Variants in LRRK1 observed in about 807,000 individuals in gnomAD.
LRRK1 encodes the protein leucine rich repeat kinase 1.
In LRRK1, 113 loss-of-function variants were observed where a neutral mutation model predicts 209.1. The observed-to-expected ratio is 0.54, with a 90% CI of 0.46 to 0.63. LRRK1 has a LOEUF of 0.63. Ranked by LOEUF, LRRK1 falls within the 30% of genes least tolerant of loss-of-function variation. The probability of loss-of-function intolerance (pLI) is 0.00; values close to 1 mark genes in which losing one functional copy is unlikely to be tolerated. For synonymous variants in LRRK1, 1,144 were observed against 1,099.7 expected, an observed-to-expected ratio of 1.04 and a Z score of -0.80; for missense variants, 2,284 against 2,632.2, an observed-to-expected ratio of 0.87 and a Z score of 2.89.
chr15:100,966,054 GTA>G (rs1366296458), intron 2 of LRRK1, among the ~76,000 whole-genome samples: 2 of 152,012 alleles, frequency 1.3e-5, no homozygotes, highest in African/African-American at 4.8e-5. Context: ...ATATTTTACT[GTA>G]TAAAAGAATA....
At position 101,061,180 on chromosome 15, in the gene LRRK1, G is replaced by A. The variant is rs762048920; in HGVS notation, c.4689G>A (p.Thr1563=). The change falls in exon 30 of 34, where the codon ACG becomes ACA. Residue 1563 remains threonine, a synonymous_variant. Coordinates refer to ENST00000388948, the MANE Select transcript of LRRK1 (RefSeq NM_024652.6). ...TTTCTGCCACTTACAGGAACTACACGGTGGTGAACACAGAGAAGGGCCTCA... is the reference window on the plus strand; with the variant it reads ...TTTCTGCCACTTACAGGAACTACACAGTGGTGAACACAGAGAAGGGCCTCA... ...WDGKEESRNY[T]VVNTEKGLME... The A allele has an allele frequency of 4.2e-5, 68 of 1,613,276 alleles. No homozygotes were observed. The East Asian group carries it at 7.6e-4, about 18-fold the overall frequency.
intron 23 of LRRK1, 146 bp from the exon 24 acceptor site, chr15:101,051,564 TG>T (rs1380900477): frequency 9.9e-7 from 1 of 1,009,172 alleles, no homozygotes; most frequent in Non-Finnish European, 1.4e-6. Context: ...AATGTGGCAG[TG>T]GGTTTCAGCC....
In LRRK1 at chr15:101,073,186, C is replaced by A. The variant is rs1315486191; in HGVS notation, c.*4338C>A. ...CGCCACACTTCAATTTCTCCCTTCT[C>A]TTAACTTCAATTCCTTTCATTTTCT... On this transcript the variant is annotated 3_prime_UTR_variant, in exon 34 of 34. Coordinates refer to ENST00000388948, the MANE Select transcript of LRRK1 (RefSeq NM_024652.6). 1 of 153,012 alleles carries A rather than the reference C, an allele frequency of 6.5e-6. No homozygotes were observed. 9.5% of individuals were successfully genotyped at this position (153,012 alleles called of 1,614,324 possible). A position where few individuals can be genotyped will look rare whatever the true frequency, so the allele number is the denominator to read the frequency against.
intron 4 of LRRK1, among the ~76,000 whole-genome samples, chr15:100,985,732 A>G (rs2031831257): frequency 6.6e-6 from 1 of 152,252 alleles, no homozygotes; most frequent in Non-Finnish European, 1.5e-5. Context: ...TCTTCAGCTC[A>G]ACTCTGAGCA....
intron 20 of LRRK1, among the ~76,000 whole-genome samples, chr15:101,037,897 A>G (rs1036989033): frequency 6.6e-6 from 1 of 152,256 alleles, no homozygotes; most frequent in Non-Finnish European, 1.5e-5. Flanking sequence ...AGAAGTCATT[A>G]TACAAAAAAG....
chr15:100,950,501 C>CAAATA (rs917430381), intron 2 of LRRK1, among the ~76,000 whole-genome samples: 13 of 152,048 alleles, frequency 8.5e-5, no homozygotes, highest in African/African-American at 2.7e-4. Context: ...TTCTAATATT[C>CAAATA]AAATAAAATA....
rs1395699111 is a variant in LRRK1, at chr15:101,074,298, C to G, written c.*5450C>G. The stretch of plus-strand genomic sequence containing the variant: ...ATATAATCTTTTTATCACCTCCCCT[C>G]CTCACACCCGGTCCGGCTTACAGTT... On this transcript the variant is annotated 3_prime_UTR_variant, in exon 34 of 34. Transcript: ENST00000388948. 6.6e-6 allele frequency: 1 copy of G among 152,180 alleles called. No individual in the cohort carries two copies. 9.4% of individuals were successfully genotyped at this position (152,180 alleles called of 1,614,324 possible).
At chr15:100,988,585 A>G in intron 4 of LRRK1, 49 bp from the exon 5 acceptor site, 2 of 1,589,202 alleles carry the variant, frequency 1.3e-6, no homozygotes, top group Non-Finnish European at 1.7e-6. Flanking sequence ...GTGGGAACAA[A>G]CAGCACCCTT....
intron 29 of LRRK1, among the ~76,000 whole-genome samples, chr15:101,058,736 A>G (rs1032493434): frequency 1.3e-5 from 2 of 151,674 alleles, no homozygotes; most frequent in Admixed American, 6.6e-5. Context: ...GAGGCCACAA[A>G]TTCAGGGAGC....
At chr15:100,941,368 C>CTGTGTGTGTCTCTG (rs2042415616) in intron 2 of LRRK1, among the ~76,000 whole-genome samples, 1 of 26,126 alleles carries the variant, frequency 3.8e-5, no homozygotes, top group African/African-American at 2.3e-4. Context: ...GTGTGTGTGC[C>CTGTGTGTGTCTCTG]TGTATGTGTG....
Position 101,013,862 on chromosome 15 carries a change from C to A in LRRK1, c.1420-454C>A, listed in dbSNP as rs1422788978. ...ACCCTTGGTGGCACTGCCACCCCGT[C>A]CCCAGACCTGGGCTGGCCCAGGAGG... On this transcript the variant is annotated intron_variant, in intron 10 of 33. Transcript: ENST00000388948. Among the ~76,000 whole-genome samples, 6 of 152,150 alleles carry A rather than the reference C, an allele frequency of 3.9e-5. No individual in the cohort carries two copies. The East Asian group carries it at 7.8e-4, about 20-fold the overall frequency.
chr15:101,049,909 T>C, intron 23 of LRRK1, 126 bp downstream of exon 23: 2 of 1,028,270 alleles, frequency 1.9e-6, no homozygotes, highest in Non-Finnish European at 2.7e-6. Flanking sequence ...CTAGGGGGTC[T>C]TAACAGCACT....
At chr15:101,042,981 C>T (rs2034848668) in intron 20 of LRRK1, among the ~76,000 whole-genome samples, 1 of 152,216 alleles carries the variant, frequency 6.6e-6, no homozygotes, top group African/African-American at 2.4e-5. Context: ...TGCCATGATG[C>T]TCTGCCCTAA....
In LRRK1 at chr15:101,021,933, G is replaced by A; in HGVS notation, c.1828G>A (p.Val610Met). 6.2e-7 allele frequency: 1 copy of A among 1,613,892 alleles called. No individual in the cohort carries two copies. The highest frequency in any genetic ancestry group is 8.5e-7 in the Non-Finnish European group (1 of 1,179,888). The change falls in exon 14 of 34, where the codon GTG becomes ATG. Residue 610 changes from valine (V) to methionine (M), a missense_variant. Val to Met is a conservative substitution (Grantham distance 21). Around this residue, in one of 6 missense-constraint regions of LRRK1, gnomAD observed 494 missense variants for 522.1 expected, o/e 0.95. Coordinates refer to ENST00000388948, the MANE Select transcript of LRRK1 (RefSeq NM_024652.6). ...CACTGAAGACCTGACCATCAGCAAT[G>A]TGCCTGCAGAAATCCAAAAAGAAGG... ...LDTEDLTISN[V>M]PAEIQKEGPK...
At chr15:101,012,592 C>T (rs1025499499) in intron 10 of LRRK1, among the ~76,000 whole-genome samples, 6 of 152,194 alleles carry the variant, frequency 3.9e-5, no homozygotes, top group South Asian at 2.1e-4. Flanking sequence ...AGAAGGGGCC[C>T]CATCAGGGCA....
intron 2 of LRRK1, among the ~76,000 whole-genome samples, chr15:100,935,900 A>G (rs1279118616): frequency 3.3e-5 from 5 of 152,112 alleles, no homozygotes; most frequent in Admixed American, 6.5e-5. Context: ...CATCCACCGC[A>G]TGTCTAGCCC....
At chr15:101,040,457 G>A (rs907829787) in intron 20 of LRRK1, among the ~76,000 whole-genome samples, 9 of 152,062 alleles carry the variant, frequency 5.9e-5, no homozygotes, top group East Asian at 5.8e-4. Flanking sequence ...TTTTGGAACC[G>A]TTTTAAAGAA....
intron 2 of LRRK1, among the ~76,000 whole-genome samples, chr15:100,950,964 G>A (rs540237709): frequency 1.7e-4 from 26 of 152,058 alleles, no homozygotes; most frequent in African/African-American, 4.1e-4. Context: ...TTAGCCGGGC[G>A]TGGTGGCGGG....
chr15:101,053,277 T>G lies in LRRK1; in HGVS notation c.3911T>G (p.Phe1304Cys). Residue 1304 changes from phenylalanine to cysteine, a missense_variant, in exon 26 of 34, where the codon TTC becomes TGC. Phe to Cys is a radical substitution (Grantham distance 205). Around this residue, in one of 6 missense-constraint regions of LRRK1, gnomAD observed 780 missense variants for 985.2 expected, o/e 0.79. Transcript: ENST00000388948. Reference protein sequence around the residue: ...ATDAMKNFSEFRQEASMLHAL... With the variant: ...ATDAMKNFSECRQEASMLHAL... ...GATGCCATGAAGAACTTCTCCGAGT[T>G]CCGGCAGGAGGCCAGCATGCTGCAC... The G allele has an allele frequency of 6.2e-7, 1 of 1,606,812 alleles. No homozygotes were observed. The highest frequency in any genetic ancestry group is 8.5e-7 in the Non-Finnish European group (1 of 1,179,956).
Sources: allele counts gnomAD v4.1 joint callset (sites outside exome capture counted in the v4.1 genomes callset), GRCh38; gene constraint gnomAD v4.1.1; regional missense constraint gnomAD v4.1.1; transcripts MANE v1.5; gene names NCBI Gene and HGNC (gene_info 2026-07-23, HGNC 2026-07-21).